Variants in CYFIP1 observed in about 807,000 individuals in gnomAD.
CYFIP1 encodes cytoplasmic FMR1-interacting protein 1.
A neutral mutation model predicts 163.5 loss-of-function variants in CYFIP1; 58 were observed. The observed-to-expected ratio is 0.35, with a 90% confidence interval of 0.29 to 0.44. The LOEUF is 0.44. Among genes scored for constraint, CYFIP1 ranks in the 20% least tolerant of loss-of-function variants. The probability of loss-of-function intolerance (pLI) is 1.00; values close to 1 mark genes in which losing one functional copy is unlikely to be tolerated. For missense variants in CYFIP1, 1,338 were observed against 1,653.8 expected, an observed-to-expected ratio of 0.81 and a Z score of 3.31; for synonymous variants, 663 against 660.7, an observed-to-expected ratio of 1.00 and a Z score of -0.05.
intron 6 of CYFIP1, among the ~76,000 whole-genome samples, chr15:22,940,481 C>T (rs975857295): frequency 6.6e-6 from 1 of 152,172 alleles, no homozygotes; most frequent in Non-Finnish European, 1.5e-5. Context: ...TTTCTGCCTG[C>T]TGACTGGAAT....
chr15:22,955,208 A>C (rs993987401), intron 1 of CYFIP1, among the ~76,000 whole-genome samples: 5 of 152,222 alleles, frequency 3.3e-5, no homozygotes, highest in Non-Finnish European at 7.3e-5. Flanking sequence ...ACACAGATGC[A>C]GTCTCAAGAA....
rs142536803 is a variant in CYFIP1, at chr15:22,927,837, C to A, written c.1233+69G>T. 55 of 1,486,872 alleles carry A rather than the reference C, an allele frequency of 3.7e-5. No homozygotes were observed. In the East Asian group the frequency reaches 1.4e-3, roughly 37 times the overall value. 92.1% of individuals were successfully genotyped at this position (1,486,872 alleles called of 1,614,324 possible). A position where few individuals can be genotyped will look rare whatever the true frequency, so the allele number is the denominator to read the frequency against. On this transcript the variant is annotated intron_variant, in intron 12 of 30. Coordinates refer to ENST00000617928, the MANE Select transcript of CYFIP1 (RefSeq NM_014608.6). ...GGCCAAAGATAAAAAGCCCAAAGACCAAAAGTTAATGTGAATAAAGTGCCC... is the reference window on the plus strand; with the variant it reads ...GGCCAAAGATAAAAAGCCCAAAGACAAAAAGTTAATGTGAATAAAGTGCCC...
At chr15:22,960,707 CT>C (rs914303106) in intron 1 of CYFIP1, among the ~76,000 whole-genome samples, 1 of 152,244 alleles carries the variant, frequency 6.6e-6, no homozygotes, top group African/African-American at 2.4e-5. Flanking sequence ...CCGCAGCCTG[CT>C]TCAGGGCGGC....
At chr15:22,960,706 G>A (rs1461842065) in intron 1 of CYFIP1, among the ~76,000 whole-genome samples, 1 of 152,224 alleles carries the variant, frequency 6.6e-6, no homozygotes, top group African/African-American at 2.4e-5. Flanking sequence ...ACCGCAGCCT[G>A]CTTCAGGGCG....
chr15:22,921,285 T>C (rs1191051522), intron 13 of CYFIP1, among the ~76,000 whole-genome samples: 4 of 151,954 alleles, frequency 2.6e-5, no homozygotes, highest in Non-Finnish European at 5.9e-5. Context: ...GGAGAACTGC[T>C]TGAAACTGGG....
rs144960323 is a variant in CYFIP1 at position 22,907,881 on chromosome 15, C to T, written c.2388+1313G>A. ...GTGGCAGGCCGGTGTCTTCTGTCCA[C>T]GTTAAGGTCTTTCTGCCATCTTCTC... On this transcript the variant is annotated intron_variant, in intron 21 of 30. Transcript: ENST00000617928. Among the ~76,000 whole-genome samples, 123 of 152,332 alleles carry T rather than the reference C, an allele frequency of 8.1e-4. 3 individuals carry two copies. The East Asian group carries it at 0.022, about 28-fold the overall frequency.
intron 10 of CYFIP1, among the ~76,000 whole-genome samples, chr15:22,932,639 T>C (rs1483338153): frequency 6.6e-6 from 1 of 152,170 alleles, no homozygotes; most frequent in Non-Finnish European, 1.5e-5. Context: ...ACGGGCACAG[T>C]GCTTGGCAAA....
At chr15:22,937,657 G>C (rs960207650) in intron 8 of CYFIP1, among the ~76,000 whole-genome samples, 1 of 146,996 alleles carries the variant, frequency 6.8e-6, no homozygotes, top group Non-Finnish European at 1.5e-5. Context: ...GGAGTGCAGT[G>C]GTGCCATCTC....
chr15:22,907,594 C>A (rs772701369), intron 21 of CYFIP1, among the ~76,000 whole-genome samples: 1 of 152,194 alleles, frequency 6.6e-6, no homozygotes, highest in Non-Finnish European at 1.5e-5. Context: ...TGTAAACCCT[C>A]CCCCTGCTCC....
At position 22,933,903 on chromosome 15, in the gene CYFIP1, A is replaced by C. The variant is rs1372804629; in HGVS notation, c.901-10T>G. 6.3e-7 allele frequency: 1 copy of C among 1,590,798 alleles called. No homozygotes were observed. The highest frequency in any genetic ancestry group is 1.3e-5 in the African/African-American group (1 of 74,348). ...GAACCACCTGGAGTTGCTGTATTCA[A>C]AGAACAAAAAAATAGAGTCATTATG... On this transcript the variant is annotated splice_polypyrimidine_tract_variant and intron_variant, in intron 9 of 30. Coordinates refer to ENST00000617928, the MANE Select transcript of CYFIP1 (RefSeq NM_014608.6).
intron 20 of CYFIP1, among the ~76,000 whole-genome samples, chr15:22,909,733 C>T (rs1207452672): frequency 1.3e-5 from 2 of 151,134 alleles, no homozygotes; most frequent in African/African-American, 2.4e-5. Context: ...AATTTTTTTT[C>T]TTTTTTTAAT....
rs201156437 is a variant in CYFIP1, at chr15:22,881,833, C to T, written c.2911+13G>A. On this transcript the variant is annotated intron_variant, in intron 25 of 30. Transcript: ENST00000617928. ...CACAGACAGCACTGTGAGCTCCACA[C>T]GCCCGCACTCACCAGGAGAGCCGTA... is the stretch of plus-strand genomic sequence containing the variant. The T allele has an allele frequency of 4.2e-5, 68 of 1,607,524 alleles. No homozygotes were observed. Among genetic ancestry groups the T allele is most frequent in the East Asian group, 2.7e-4 (12 of 44,846 alleles).
intron 22 of CYFIP1, among the ~76,000 whole-genome samples, chr15:22,897,409 A>T (rs955650659): frequency 8.6e-5 from 13 of 151,374 alleles, no homozygotes; most frequent in Admixed American, 8.5e-4. Flanking sequence ...AATTTTTGGC[A>T]CTTGTAGGGA....
At chr15:22,957,418 C>G (rs537163427) in intron 1 of CYFIP1, among the ~76,000 whole-genome samples, 2 of 152,128 alleles carry the variant, frequency 1.3e-5, no homozygotes, top group Non-Finnish European at 1.5e-5. Flanking sequence ...AGGTGGATCA[C>G]GAGGTCAGGA....
rs531966770 is a variant in CYFIP1, at chr15:22,873,025, C to A, written c.3450-53G>T. ...GGAGATGAGTGATACGTTATGAAGT[C>A]TTTTCTCAGTCTGTCTCCAGATGTC... On this transcript the variant is annotated intron_variant, in intron 29 of 30. Transcript: ENST00000617928. 6.3e-5 allele frequency: 100 copies of A among 1,593,032 alleles called. No individual in the cohort carries two copies. The African/African-American group carries it at 1.3e-3, about 21-fold the overall frequency.
intron 1 of CYFIP1, among the ~76,000 whole-genome samples, chr15:22,961,310 C>T (rs2062674339): frequency 6.6e-6 from 1 of 152,180 alleles, no homozygotes; most frequent in African/African-American, 2.4e-5. Context: ...GCATGAGCCA[C>T]TGTGCCTGGC....
chr15:22,902,273 C>G (rs1019986618), intron 22 of CYFIP1, among the ~76,000 whole-genome samples: 2 of 152,212 alleles, frequency 1.3e-5, no homozygotes, highest in African/African-American at 4.8e-5. Flanking sequence ...GCACTGGGTG[C>G]ACCGTGCTGA....
intron 1 of CYFIP1, among the ~76,000 whole-genome samples, chr15:22,974,709 G>A (rs943577967): frequency 2.1e-4 from 32 of 152,180 alleles, no homozygotes; most frequent in African/African-American, 7.0e-4. Context: ...CAGCCTGGGT[G>A]ACAGAGTGAG....
chr15:22,914,243 G>A, intron 17 of CYFIP1, among the ~76,000 whole-genome samples: 1 of 152,258 alleles, frequency 6.6e-6, no homozygotes, highest in Middle Eastern at 3.4e-3. Flanking sequence ...AAGGCCTGGG[G>A]AAGGTCCAGG....
Sources: gnomAD v4.1 joint callset for allele counts (sites outside exome capture counted in the v4.1 genomes callset) on GRCh38, gnomAD v4.1.1 for gene constraint, MANE v1.5 for transcripts, NCBI Gene and HGNC (gene_info 2026-07-23, HGNC 2026-07-21) for gene names.